Variants in EDARADD observed in about 807,000 individuals in gnomAD.
EDARADD encodes ectodysplasin-A receptor-associated adapter protein.
In EDARADD, 20 loss-of-function variants were observed where a neutral mutation model predicts 25.6. The observed-to-expected ratio is 0.78, with a 90% CI of 0.55 to 1.14. The LOEUF (loss-of-function observed/expected upper bound fraction) is 1.14. EDARADD is among the 50% of genes most tolerant of loss of function. The pLI, the probability that EDARADD is intolerant of heterozygous loss-of-function variation, is 0.00. For missense variants in EDARADD, 225 were observed against 270.1 expected (o/e 0.83, Z 1.17); for synonymous variants, 86 against 94.4 (o/e 0.91, Z 0.52).
At chr1:236,473,327 G>A in intron 5 of EDARADD, among the ~76,000 whole-genome samples, 1 of 152,126 alleles carries the variant, frequency 6.6e-6, no homozygotes, top group East Asian at 2.0e-4. Flanking sequence ...GGCCCGTGGA[G>A]ATCTAAGACA....
chr1:236,381,313 TTATTTTA>T (rs1443348760), intron 3 of EDARADD, among the ~76,000 whole-genome samples: 1 of 151,876 alleles, frequency 6.6e-6, no homozygotes, highest in African/African-American at 2.4e-5. Flanking sequence ...ATTTTTATTT[TTATTTTA>T]TTTTATTTTT....
intron 4 of EDARADD, among the ~76,000 whole-genome samples, chr1:236,428,434 A>G (rs983034382): frequency 5.9e-5 from 9 of 152,284 alleles, no homozygotes; most frequent in African/African-American, 1.9e-4. Flanking sequence ...ACCCCTTTCT[A>G]TTCGACAAAA....
intron 4 of EDARADD, among the ~76,000 whole-genome samples, chr1:236,450,066 A>T (rs1205136042): frequency 6.6e-6 from 1 of 150,834 alleles, no homozygotes; most frequent in Non-Finnish European, 1.5e-5. Context: ...ACACCACTGC[A>T]CTCCAGCCTG....
chr1:236,405,811 TC>T (rs1667710350), intron 1 of EDARADD, among the ~76,000 whole-genome samples: 3 of 139,762 alleles, frequency 2.1e-5, no homozygotes, highest in Admixed American at 7.2e-5. Flanking sequence ...TTTCTTTCTT[TC>T]CTTCCTTCCT....
chr1:236,411,601 T>C (rs576049075), intron 2 of EDARADD, among the ~76,000 whole-genome samples: 3 of 151,630 alleles, frequency 2.0e-5, no homozygotes, highest in South Asian at 4.2e-4. Flanking sequence ...GAGTGCAATA[T>C]GCAATGGCGT....
intron 3 of EDARADD, among the ~76,000 whole-genome samples, chr1:236,363,953 G>A (rs574580246): frequency 4.0e-5 from 6 of 151,898 alleles, no homozygotes; most frequent in African/African-American, 1.5e-4. Context: ...ATCACTTGAG[G>A]TCAGGAGTTC....
At chr1:236,405,822 T>TTTCCTTCCTTCCTTCCTTCC (rs780077696) in intron 1 of EDARADD, among the ~76,000 whole-genome samples, 17 of 55,472 alleles carry the variant, frequency 3.1e-4, no homozygotes, top group East Asian at 1.6e-3. Context: ...CCTTCCTTCC[T>TTTCCTTCCTTCCTTCCTTCC]TTCCTTCCTT....
At chr1:236,413,841 CT>C (rs1657564179) in intron 2 of EDARADD, among the ~76,000 whole-genome samples, 1 of 152,186 alleles carries the variant, frequency 6.6e-6, no homozygotes, top group Non-Finnish European at 1.5e-5. Flanking sequence ...CAGGCCAGAG[CT>C]CTGCAATAGT....
chr1:236,405,725 T>TTTC (rs1667696516), intron 1 of EDARADD, among the ~76,000 whole-genome samples: 3 of 120,436 alleles, frequency 2.5e-5, no homozygotes, highest in Admixed American at 8.6e-5. Flanking sequence ...CTTCCTTTCT[T>TTTC]TTTCTTTCTT....
intron 3 of EDARADD, among the ~76,000 whole-genome samples, chr1:236,354,085 TA>T (rs1334746339): frequency 6.6e-6 from 1 of 152,162 alleles, no homozygotes; most frequent in Non-Finnish European, 1.5e-5. Context: ...TCCTGTTTTA[TA>T]AGGCTATTTT....
At chr1:236,428,652 G>C (rs1246025925) in intron 4 of EDARADD, among the ~76,000 whole-genome samples, 1 of 136,750 alleles carries the variant, frequency 7.3e-6, no homozygotes, top group Non-Finnish European at 1.6e-5. Flanking sequence ...CTTCCTAGAC[G>C]GGATGGCGGC....
At chr1:236,468,315 A>G in intron 5 of EDARADD, 39 bp downstream of exon 5, 2 of 1,594,194 alleles carry the variant, frequency 1.3e-6, no homozygotes, top group Non-Finnish European at 1.7e-6. Context: ...GCTAATAGCT[A>G]GTGTGGCTGA....
chr1:236,460,795 G>C (rs1659017100), intron 4 of EDARADD, among the ~76,000 whole-genome samples: 1 of 151,696 alleles, frequency 6.6e-6, no homozygotes, highest in African/African-American at 2.4e-5. Context: ...ATCACTGACT[G>C]TGTGACATGA....
intron 3 of EDARADD, among the ~76,000 whole-genome samples, chr1:236,374,862 C>T (rs1667207581): frequency 6.6e-6 from 1 of 151,258 alleles, no homozygotes; most frequent in South Asian, 2.1e-4. Flanking sequence ...CTCTAACAAT[C>T]TCTTTTAATT....
rs76768936 is a variant in EDARADD, at chr1:236,380,228, G to A, written c.-5-28988G>A. On this transcript the variant is annotated intron_variant, in intron 3 of 7. Transcript: ENST00000439430. ...AAATAGTGTGACACAAAGGCATAAA[G>A]TGCTAAAGGTGTAAGTTGAGATAGG... Among the ~76,000 whole-genome samples the A allele has an allele frequency of 5.4e-4, 83 of 152,310 alleles. No individual in the cohort carries two copies. The East Asian group carries it at 0.013, about 24-fold the overall frequency.
At chr1:236,477,099 C>G (rs910630804) in intron 5 of EDARADD, among the ~76,000 whole-genome samples, 2 of 151,614 alleles carry the variant, frequency 1.3e-5, no homozygotes, top group Non-Finnish European at 1.5e-5. Context: ...TTCTCATCAC[C>G]CAGAATTAAC....
intron 4 of EDARADD, among the ~76,000 whole-genome samples, chr1:236,467,426 GCACACACACACACACA>G (rs376781528): frequency 7.2e-6 from 1 of 138,944 alleles, no homozygotes; most frequent in Admixed American, 7.0e-5. Flanking sequence ...ACACACACGC[GCACACACACACACACA>G]CACACACACA....
chr1:236,365,551 C>T (rs1304779617), intron 3 of EDARADD, among the ~76,000 whole-genome samples: 1 of 152,180 alleles, frequency 6.6e-6, no homozygotes, highest in African/African-American at 2.4e-5. Context: ...AAGCAATCCT[C>T]CCACCTTGGC....
At chr1:236,445,127 C>G (rs560471221) in intron 4 of EDARADD, among the ~76,000 whole-genome samples, 2 of 151,552 alleles carry the variant, frequency 1.3e-5, no homozygotes, top group Non-Finnish European at 2.9e-5. Context: ...TTCAGATTTT[C>G]TACATAGACA....
Sources: gnomAD v4.1 joint callset for allele counts (sites outside exome capture counted in the v4.1 genomes callset) on GRCh38, gnomAD v4.1.1 for gene constraint, MANE v1.5 for transcripts, NCBI Gene and HGNC (gene_info 2026-07-23, HGNC 2026-07-21) for gene names.